The following PRICKLE2 variants were observed in gnomAD, a reference collection of about 807,000 sequenced individuals.
PRICKLE2 encodes prickle planar cell polarity protein 2.
A neutral mutation model predicts 81.4 loss-of-function variants in PRICKLE2; 21 were observed. The ratio of observed to expected loss-of-function variants is 0.26; its 90% confidence interval spans 0.18 to 0.37. The LOEUF (loss-of-function observed/expected upper bound fraction) is 0.37, where lower values mean the gene tolerates loss of function less well. PRICKLE2 is among the 10% of genes least tolerant of loss of function. The pLI is 1.00. For missense variants in PRICKLE2, 940 were observed against 1,109.0 expected, an observed-to-expected ratio of 0.85 and a Z score of 2.16; for synonymous variants, 456 against 421.5, an observed-to-expected ratio of 1.08 and a Z score of -1.00.
intron 7 of PRICKLE2, among the ~76,000 whole-genome samples, chr3:64,122,858 G>T (rs2077047634): frequency 6.6e-6 from 1 of 152,198 alleles, no homozygotes; most frequent in African/African-American, 2.4e-5. Context: ...AAACTCTTCA[G>T]AAGGTCAGCA....
chr3:64,225,377 C>A lies in PRICKLE2; in HGVS notation c.-508G>T. The A allele has an allele frequency of 1.0e-6, 1 of 985,356 alleles. No homozygotes were observed. The highest frequency in any genetic ancestry group is 1.2e-6 in the Non-Finnish European group (1 of 829,980). The allele number at this position is 985,356 out of a possible 1,614,324, so 61.0% of individuals were successfully genotyped here. A position where few individuals can be genotyped will look rare whatever the true frequency, so the allele number is the denominator to read the frequency against. On this transcript the variant is annotated 5_prime_UTR_variant, in exon 1 of 8. Coordinates refer to ENST00000638394, the MANE Select transcript of PRICKLE2 (RefSeq NM_198859.4). ...AGTCAGCTGCTCACAGAGCTCAAGC[C>A]ACTGAACCAGGAAATGTGCTGCTTG...
At chr3:64,265,613 A>G (rs1575731178) in intron 2 of PRICKLE2, among the ~76,000 whole-genome samples, 1 of 152,314 alleles carries the variant, frequency 6.6e-6, no homozygotes, top group Non-Finnish European at 1.5e-5. Flanking sequence ...CATGTCCCTC[A>G]GTTGCCTCTT....
chr3:64,230,217 C>T (rs1353088337), upstream of PRICKLE2, among the ~76,000 whole-genome samples: 1 of 152,138 alleles, frequency 6.6e-6, no homozygotes, highest in Non-Finnish European at 1.5e-5. Context: ...GGAAAACAGA[C>T]AATGGAGGAC....
At chr3:64,206,644 C>T (rs943003134) in intron 1 of PRICKLE2, among the ~76,000 whole-genome samples, 4 of 152,164 alleles carry the variant, frequency 2.6e-5, no homozygotes, top group African/African-American at 9.7e-5. Flanking sequence ...CAGGTTCAGG[C>T]CACTTTCATG....
chr3:64,108,741 G>T (rs40158), intron 7 of PRICKLE2, among the ~76,000 whole-genome samples: 97,720 of 151,864 alleles, frequency 0.64, 32,642 homozygotes, highest in South Asian at 0.8. Context: ...TTTCAAGGAC[G>T]ATTTTCTTTG....
chr3:64,184,030 A>C lies in PRICKLE2; in HGVS notation c.144+14754T>G, dbSNP rs1327005079. ...ATATTAAATCCAAGGTTTGGGCTTAAGAATTTCTGTTCTGTCTTGTTTTGC... is the reference window on the plus strand; with the variant it reads ...ATATTAAATCCAAGGTTTGGGCTTACGAATTTCTGTTCTGTCTTGTTTTGC... On this transcript the variant is annotated intron_variant, in intron 2 of 7. Coordinates refer to ENST00000638394, the MANE Select transcript of PRICKLE2 (RefSeq NM_198859.4). 3.9e-5 allele frequency among the ~76,000 whole-genome samples: 6 copies of C among 152,350 alleles called. No individual in the cohort carries two copies. The South Asian group carries it at 1.0e-3, about 26-fold the overall frequency.
intron 1 of PRICKLE2, among the ~76,000 whole-genome samples, chr3:64,204,396 T>A (rs2078643872): frequency 6.6e-6 from 1 of 152,174 alleles, no homozygotes; most frequent in African/African-American, 2.4e-5. Context: ...CCAGAGTGGT[T>A]AAGTGGCTTG....
chr3:64,157,122 G>T, intron 5 of PRICKLE2, 40 bp downstream of exon 5: 1 of 1,569,788 alleles, frequency 6.4e-7, no homozygotes, highest in Non-Finnish European at 8.8e-7. Context: ...GTGCAATGAA[G>T]GGGTGATGGG....
chr3:64,195,144 T>C (rs2078426201), intron 2 of PRICKLE2, among the ~76,000 whole-genome samples: 1 of 152,186 alleles, frequency 6.6e-6, no homozygotes. Context: ...TTATTTGGAG[T>C]GAGCAGAGGC....
chr3:64,118,849 C>T (rs1484381295), intron 7 of PRICKLE2, among the ~76,000 whole-genome samples: 1 of 93,096 alleles, frequency 1.1e-5, no homozygotes, highest in East Asian at 4.1e-4. Context: ...ACAGAAATAC[C>T]ATTCAACCCA....
chr3:64,203,545 G>A (rs931085872), intron 1 of PRICKLE2, among the ~76,000 whole-genome samples: 46 of 152,112 alleles, frequency 3.0e-4, no homozygotes, highest in African/African-American at 1.0e-3. Context: ...ATTATGCAGG[G>A]AAGAGCACAC....
Position 64,092,769 on chromosome 3 carries a change from A to G in PRICKLE2, c.*6282T>C, listed in dbSNP as rs2076524366. 6.6e-6 allele frequency: 1 copy of G among 152,250 alleles called. No homozygotes were observed. The highest frequency in any genetic ancestry group is 1.5e-5 in the Non-Finnish European group (1 of 68,050). 9.4% of individuals were successfully genotyped at this position (152,250 alleles called of 1,614,324 possible). A position where few individuals can be genotyped will look rare whatever the true frequency, so the allele number is the denominator to read the frequency against. On this transcript the variant is annotated 3_prime_UTR_variant, in exon 8 of 8. Transcript: ENST00000638394. ...GTGGCCTGGGTAGGAATCAGTTTCA[A>G]GAATTCTCAAGGAACAAAGACACTA...
At chr3:64,229,162 T>A (rs1487881816), upstream of PRICKLE2, among the ~76,000 whole-genome samples, 2 of 152,048 alleles carry the variant, frequency 1.3e-5, no homozygotes, top group Non-Finnish European at 2.9e-5. Context: ...TTAAGAGACA[T>A]CTGCATGGAC....
rs193133505 is a variant in PRICKLE2 at position 64,182,035 on chromosome 3, T to A, written c.144+16749A>T. ...GGAAAGCACAGCAAGTGCAAAGGCA[T>A]GAGGTGGGAGGAAGCTTGGAGTTCT... On this transcript the variant is annotated intron_variant, in intron 2 of 7. Transcript: ENST00000638394. 1.5e-4 allele frequency among the ~76,000 whole-genome samples: 23 copies of A among 152,250 alleles called. No individual in the cohort carries two copies. The East Asian group carries it at 4.4e-3, about 29-fold the overall frequency.
intron 2 of PRICKLE2, among the ~76,000 whole-genome samples, chr3:64,191,577 A>G (rs570442026): frequency 6.6e-6 from 1 of 152,362 alleles, no homozygotes; most frequent in East Asian, 1.9e-4. Flanking sequence ...AGACAGGAAG[A>G]GTAATTACTA....
intron 2 of PRICKLE2, among the ~76,000 whole-genome samples, chr3:64,256,515 T>C (rs956301736): frequency 6.6e-6 from 1 of 152,232 alleles, no homozygotes; most frequent in Non-Finnish European, 1.5e-5. Flanking sequence ...AGAAAAAGTT[T>C]GTTGACCCAT....
chr3:64,124,968 T>G (rs1419026564), intron 7 of PRICKLE2, among the ~76,000 whole-genome samples: 1 of 152,142 alleles, frequency 6.6e-6, no homozygotes, highest in Non-Finnish European at 1.5e-5. Context: ...CTCTGATGGA[T>G]CTGGGCAAAA....
chr3:64,251,670 C>T (rs2079448978), intron 2 of PRICKLE2, among the ~76,000 whole-genome samples: 1 of 152,178 alleles, frequency 6.6e-6, no homozygotes, highest in Non-Finnish European at 1.5e-5. Context: ...TTGGGGCTAG[C>T]TCACACCTAG....
intron 7 of PRICKLE2, among the ~76,000 whole-genome samples, chr3:64,129,903 C>T (rs980831074): frequency 1.3e-5 from 2 of 152,098 alleles, no homozygotes; most frequent in Non-Finnish European, 2.9e-5. Context: ...TCTGCTGATC[C>T]CTTTCTGGGG....
Sources: gnomAD v4.1 joint callset for allele counts (sites outside exome capture counted in the v4.1 genomes callset) on GRCh38, gnomAD v4.1.1 for gene constraint, MANE v1.5 for transcripts, NCBI Gene and HGNC (gene_info 2026-07-23, HGNC 2026-07-21) for gene names.